Variants in AKAP8 observed in about 807,000 individuals in gnomAD.
The protein encoded by AKAP8 is A-kinase anchor protein 8.
In AKAP8, 24 loss-of-function variants were observed where a neutral mutation model predicts 67.5. The observed-to-expected ratio is 0.36, with a 90% confidence interval of 0.26 to 0.50. The LOEUF is 0.50. Among genes scored for constraint, AKAP8 ranks in the 20% least tolerant of loss-of-function variants. The pLI is 0.97. For synonymous variants in AKAP8, 400 were observed against 371.1 expected (o/e 1.08, Z -0.90); for missense variants, 971 against 955.9 (o/e 1.02, Z -0.21).
In AKAP8 at chr19:15,372,986, C is replaced by A. The variant is rs773417870; in HGVS notation, c.726G>T (p.Arg242=). The change falls in exon 5 of 14, where the codon CGG becomes CGT. Residue 242 remains arginine, a synonymous_variant. Transcript: ENST00000269701. ...ACTGGGAGAAGAGGGACGGAGGTGG[C>A]CGGCTGGGGGAGGGCCCTCCCAGGC... ...GRGLGGPSPS[R]PPPSLFSQSM... 2.4e-5 allele frequency: 38 copies of A among 1,564,688 alleles called. No homozygotes were observed. The highest frequency in any genetic ancestry group is 2.9e-5 in the Non-Finnish European group (34 of 1,154,848).
chr19:15,357,679 A>G (rs1371458063), intron 13 of AKAP8, among the ~76,000 whole-genome samples: 1 of 150,772 alleles, frequency 6.6e-6, no homozygotes, highest in Non-Finnish European at 1.5e-5. Flanking sequence ...CTGCAAAGGT[A>G]AAATATACAT....
At position 15,355,190 on chromosome 19, in the gene AKAP8, C is replaced by T. The variant is rs768497457; in HGVS notation, c.1804G>A (p.Glu602Lys). 1 of 1,611,736 alleles carries T rather than the reference C, an allele frequency of 6.2e-7. No homozygotes were observed. Among genetic ancestry groups the T allele is most frequent in the African/African-American group, 1.3e-5 (1 of 74,926 alleles). The stretch of plus-strand genomic sequence containing the variant: ...GTGGGGCCTTCGTCCTCAGCCGGCT[C>T]CCCGCTGCTCTCTGGAGCGGGCGCT... Reference protein sequence around the residue: ...EGAPAPESSGEPAEDEGPTDT... With the variant: ...EGAPAPESSGKPAEDEGPTDT... The change falls in exon 14 of 14, where the codon GAG becomes AAG. Residue 602 changes from glutamate to lysine, a missense_variant. Glu to Lys is a moderately conservative substitution (Grantham distance 56, BLOSUM62 1). This residue lies in a region of AKAP8 where 204 missense variants were observed against 193.0 expected (regional missense o/e 1.06). Coordinates refer to ENST00000269701, the MANE Select transcript of AKAP8 (RefSeq NM_005858.4).
At chr19:15,359,293 T>C (rs914502871) in intron 12 of AKAP8, among the ~76,000 whole-genome samples, 3 of 152,188 alleles carry the variant, frequency 2.0e-5, no homozygotes, top group Non-Finnish European at 4.4e-5. Flanking sequence ...CTGATACCCA[T>C]GTAGCACATG....
rs868652394 is a variant in AKAP8, at chr19:15,354,783, G to A, written c.*132C>T. 2 of 1,063,140 alleles carry A rather than the reference G, an allele frequency of 1.9e-6. No individual in the cohort carries two copies. The highest frequency in any genetic ancestry group is 3.1e-5 in the South Asian group (2 of 64,900). 65.9% of individuals were successfully genotyped at this position (1,063,140 alleles called of 1,614,324 possible). On this transcript the variant is annotated 3_prime_UTR_variant, in exon 14 of 14. Transcript: ENST00000269701. ...TGAGAGGCACTGCTCAGGAGGAAACGCTGGGTCTCTTCACCAAAATTAGAT... is the reference window on the plus strand; with the variant it reads ...TGAGAGGCACTGCTCAGGAGGAAACACTGGGTCTCTTCACCAAAATTAGAT...
intron 8 of AKAP8, 22 bp downstream of exon 8, chr19:15,370,124 C>G: frequency 6.2e-7 from 1 of 1,614,050 alleles, no homozygotes; most frequent in South Asian, 1.1e-5. Flanking sequence ...AGGAAAGCTG[C>G]AAGGGACACG....
intron 9 of AKAP8, among the ~76,000 whole-genome samples, chr19:15,365,952 G>C (rs1599563229): frequency 6.6e-6 from 1 of 151,566 alleles, no homozygotes; most frequent in African/African-American, 2.4e-5. Context: ...GAGCCCAGGA[G>C]GTGGACTGTT....
chr19:15,355,004 G>C lies in AKAP8; in HGVS notation c.1990C>G (p.Gln664Glu), dbSNP rs1390931974. The change falls in exon 14 of 14, where the codon CAA becomes GAA. Residue 664 changes from glutamine to glutamate, a missense_variant. Gln to Glu is a conservative substitution (Grantham distance 29). Around this residue, in one of 3 missense-constraint regions of AKAP8, gnomAD observed 204 missense variants for 193.0 expected, o/e 1.06. Coordinates refer to ENST00000269701, the MANE Select transcript of AKAP8 (RefSeq NM_005858.4). ...GCTGGGGCAGGAGCAACTCTGGTTTGGGCACTTTCTGCCTCTGCTGCCATT... is the reference window on the plus strand; with the variant it reads ...GCTGGGGCAGGAGCAACTCTGGTTTCGGCACTTTCTGCCTCTGCTGCCATT... ...ETMAAEAESA[Q>E]TRVAPAPAAA... is the part of the protein sequence containing the mutation. 1 of 1,614,160 alleles carries C rather than the reference G, an allele frequency of 6.2e-7. No individual in the cohort carries two copies. The highest frequency in any genetic ancestry group is 8.5e-7 in the Non-Finnish European group (1 of 1,180,034).
At chr19:15,375,399 C>T (rs1967234792) in intron 2 of AKAP8, among the ~76,000 whole-genome samples, 4 of 152,138 alleles carry the variant, frequency 2.6e-5, no homozygotes, top group African/African-American at 9.7e-5. Flanking sequence ...TGCCCGTAGC[C>T]CTGTGCTCTC....
intron 9 of AKAP8, 73 bp from the exon 10 acceptor site, chr19:15,362,324 T>C: frequency 1.3e-6 from 2 of 1,540,276 alleles, no homozygotes; most frequent in Non-Finnish European, 8.9e-7. Flanking sequence ...TCAGCTCACC[T>C]CTGAGGAGAG....
rs778290315 is a variant in AKAP8, at chr19:15,373,003, C to G, written c.709G>C (p.Gly237Arg). The change falls in exon 5 of 14, where the codon GGG (glycine) becomes CGG (arginine). Residue 237 changes from glycine to arginine, a missense_variant. Physicochemically the swap from Gly to Arg is moderately radical, Grantham distance 125. Around this residue, in one of 3 missense-constraint regions of AKAP8, gnomAD observed 763 missense variants for 745.4 expected, o/e 1.02. Coordinates refer to ENST00000269701, the MANE Select transcript of AKAP8 (RefSeq NM_005858.4). ...LNYVGGRGLGGPSPSRPPPSL... is the reference protein window; with the variant it reads ...LNYVGGRGLGRPSPSRPPPSL... ...GGAGGTGGCCGGCTGGGGGAGGGCCCTCCCAGGCCCCGTCCACCCACGTAG... is the reference window on the plus strand; with the variant it reads ...GGAGGTGGCCGGCTGGGGGAGGGCCGTCCCAGGCCCCGTCCACCCACGTAG... 22 of 1,568,058 alleles carry G rather than the reference C, an allele frequency of 1.4e-5. No homozygotes were observed. Among genetic ancestry groups the G allele is most frequent in the Non-Finnish European group, 1.9e-5 (22 of 1,155,210 alleles).
Position 15,355,323 on chromosome 19 carries a change from T to A in AKAP8, c.1671A>T (p.Gly557=). ...TATCCTCACCTCCTAAATTGTCATC[T>A]CCTTCCATTTCTGGATCAACAGTTT... ...TSETVDPEME[G]DDNLGGEDKK... The change falls in exon 14 of 14, where the codon GGA becomes GGT. Residue 557 remains glycine (G), a synonymous_variant. Coordinates refer to ENST00000269701, the MANE Select transcript of AKAP8 (RefSeq NM_005858.4). 1.2e-6 allele frequency: 2 copies of A among 1,613,786 alleles called. No individual in the cohort carries two copies. The highest frequency in any genetic ancestry group is 8.5e-7 in the Non-Finnish European group (1 of 1,179,996).
rs902238667 is a variant in AKAP8 at position 15,369,005 on chromosome 19, G to C, written c.1073-683C>G. The stretch of plus-strand genomic sequence containing the variant: ...GGAGAGCCACGCGGCCATCATCCCA[G>C]CATGAGGCCAGGGACGGACGCTGAA... On this transcript the variant is annotated intron_variant, in intron 8 of 13. Coordinates refer to ENST00000269701, the MANE Select transcript of AKAP8 (RefSeq NM_005858.4). This position sits in a 1 kb window ranked among gnomAD's most constrained non-coding sequence, Gnocchi z 4.6. 4.1e-6 allele frequency: 4 copies of C among 985,950 alleles called. No individual in the cohort carries two copies. The African/African-American group carries it at 7.0e-5, about 17-fold the overall frequency. The allele number at this position is 985,950 out of a possible 1,614,324, so 61.1% of individuals were successfully genotyped here. A position where few individuals can be genotyped will look rare whatever the true frequency, so the allele number is the denominator to read the frequency against.
intron 1 of AKAP8, 31 bp downstream of exon 1, chr19:15,379,681 TC>T: frequency 6.2e-7 from 1 of 1,603,448 alleles, no homozygotes. Context: ...GAGCCTTCCC[TC>T]CCCGCTCCGC....
At chr19:15,365,221 A>G (rs1967049982) in intron 9 of AKAP8, among the ~76,000 whole-genome samples, 1 of 152,198 alleles carries the variant, frequency 6.6e-6, no homozygotes, top group Non-Finnish European at 1.5e-5. Flanking sequence ...GGGATGACAT[A>G]AGGCAACCTC....
In AKAP8 at chr19:15,362,256, AGAAG is replaced by A; in HGVS notation, c.1161-9_1161-6del. On this transcript the variant is annotated splice_polypyrimidine_tract_variant and splice_region_variant and intron_variant, in intron 9 of 13. Transcript: ENST00000269701. ...ACAGAACAGGCAAACTGAATTCTGT[AGAAG>A]GAAAACAAGGAGGGGAGTGAAGCAG... is the stretch of plus-strand genomic sequence containing the variant. The A allele has an allele frequency of 6.2e-7, 1 of 1,614,060 alleles. No individual in the cohort carries two copies. Among genetic ancestry groups the A allele is most frequent in the Non-Finnish European group, 8.5e-7 (1 of 1,179,968 alleles).
Position 15,361,690 on chromosome 19 carries a change from A to G in AKAP8, c.1396+39T>C, listed in dbSNP as rs746541630. ...TACGGGTCCTGTCACATGCCTTACT[A>G]CCATCCAGGAAAGCACTCATCCTGG... On this transcript the variant is annotated intron_variant, in intron 11 of 13. Coordinates refer to ENST00000269701, the MANE Select transcript of AKAP8 (RefSeq NM_005858.4). 9 of 1,560,814 alleles carry G rather than the reference A, an allele frequency of 5.8e-6. No homozygotes were observed. The African/African-American group carries it at 1.2e-4, about 21-fold the overall frequency.
intron 9 of AKAP8, 49 bp from the exon 10 acceptor site, chr19:15,362,300 T>A (rs1966980429): frequency 6.2e-7 from 1 of 1,605,930 alleles, no homozygotes; most frequent in East Asian, 2.2e-5. Flanking sequence ...CATCAGCGAG[T>A]GAAGCAGGGG....
At chr19:15,357,254 C>A (rs574437576) in intron 13 of AKAP8, among the ~76,000 whole-genome samples, 1 of 151,276 alleles carries the variant, frequency 6.6e-6, no homozygotes, top group East Asian at 2.0e-4. Flanking sequence ...CCACCACGCC[C>A]GGCCACCCCA....
At chr19:15,368,385 C>T (rs1967102903) in intron 8 of AKAP8, 63 bp from the exon 9 acceptor site, 5 of 1,608,996 alleles carry the variant, frequency 3.1e-6, no homozygotes, top group Non-Finnish European at 3.4e-6. Flanking sequence ...AGCTCCAGGG[C>T]CTGGTCGGGG....
Sources: gnomAD v4.1 joint callset for allele counts (sites outside exome capture counted in the v4.1 genomes callset) on GRCh38, gnomAD v4.1.1 for gene constraint, gnomAD v4.1.1 regional missense constraint, Gnocchi (gnomAD v3.1) non-coding constraint, MANE v1.5 for transcripts, NCBI Gene and HGNC (gene_info 2026-07-23, HGNC 2026-07-21) for gene names.